Variants in AIM2 observed in about 807,000 individuals in gnomAD.
AIM2 encodes interferon-inducible protein AIM2.
A neutral mutation model predicts 27.7 loss-of-function variants in AIM2; 30 were observed. The observed-to-expected ratio is 1.08, with a 90% CI of 0.81 to 1.47. The LOEUF (loss-of-function observed/expected upper bound fraction) is 1.47, where lower values mean the gene tolerates loss of function less well. AIM2 is among the 40% of genes most tolerant of loss of function. The pLI is 0.00. For synonymous variants in AIM2, 141 were observed against 145.3 expected (o/e 0.97, Z 0.21); for missense variants, 358 against 411.3 (o/e 0.87, Z 1.12).
intron 1 of AIM2, among the ~76,000 whole-genome samples, chr1:159,114,948 C>T (rs1477290097): frequency 6.6e-6 from 1 of 152,076 alleles, no homozygotes; most frequent in Non-Finnish European, 1.5e-5. Context: ...CGTCTCAGCC[C>T]AAAATCTCCT....
intron 4 of AIM2, 52 bp from the exon 5 acceptor site, chr1:159,063,726 G>C: frequency 6.5e-7 from 1 of 1,539,594 alleles, no homozygotes; most frequent in Non-Finnish European, 8.9e-7. Flanking sequence ...AATGAATGCC[G>C]CATCAGTCAC....
intron 3 of AIM2, among the ~76,000 whole-genome samples, 186 bp downstream of exon 3, chr1:159,068,382 C>G (rs1656201969): frequency 6.6e-6 from 1 of 152,222 alleles, no homozygotes. Flanking sequence ...ATTAGAAGCT[C>G]AACAGGTGTT....
At chr1:159,116,788 C>A (rs1164739288) in intron 1 of AIM2, among the ~76,000 whole-genome samples, 1 of 151,006 alleles carries the variant, frequency 6.6e-6, no homozygotes, top group Admixed American at 6.6e-5. Flanking sequence ...ACATATGTAA[C>A]TAACCTGCAC....
At position 159,066,010 on chromosome 1, in the gene AIM2, G is replaced by T. The variant is rs41264453; in HGVS notation, c.716C>A (p.Pro239Gln). The T allele has an allele frequency of 1.2e-6, 2 of 1,614,084 alleles. No individual in the cohort carries two copies. The highest frequency in any genetic ancestry group is 4.5e-5 in the East Asian group (2 of 44,888). Residue 239 changes from proline to glutamine, a missense_variant, in exon 4 of 6, where the codon CCG (proline) becomes CAG (glutamine). By Grantham distance (76) the Pro-to-Gln change is moderately conservative. Transcript: ENST00000368130. ...DAESDQKVNV[P>Q]LNIIRKAGET... ...ACCAGCTTTTCTGATAATGTTCAGC[G>T]GGACATTAACCTTTTGGTCAGATTC...
chr1:159,110,954 G>A (rs61589051), intron 1 of AIM2, among the ~76,000 whole-genome samples: 3 of 152,088 alleles, frequency 2.0e-5, no homozygotes, highest in South Asian at 2.1e-4. Flanking sequence ...TTACCATCTA[G>A]GGAATTATAC....
At chr1:159,104,753 T>C (rs952682409) in intron 1 of AIM2, among the ~76,000 whole-genome samples, 4 of 152,230 alleles carry the variant, frequency 2.6e-5, no homozygotes, top group Non-Finnish European at 4.4e-5. Flanking sequence ...TGTGCTTGCA[T>C]TATATTTTTA....
chr1:159,083,132 A>T (rs1656822057), intron 1 of AIM2, among the ~76,000 whole-genome samples: 1 of 152,240 alleles, frequency 6.6e-6, no homozygotes, highest in Non-Finnish European at 1.5e-5. Context: ...ATCTAAACAT[A>T]CTACATGGCT....
intron 1 of AIM2, among the ~76,000 whole-genome samples, chr1:159,074,929 AG>A (rs1256301336): frequency 6.6e-6 from 1 of 152,168 alleles, no homozygotes; most frequent in Non-Finnish European, 1.5e-5. Context: ...AAAATCTCAA[AG>A]GGTTTTTCAT....
chr1:159,085,447 C>A (rs1656885889), intron 1 of AIM2, among the ~76,000 whole-genome samples: 1 of 152,164 alleles, frequency 6.6e-6, no homozygotes. Context: ...ATTACAGAGA[C>A]AGGGAGTACC....
chr1:159,139,155 A>G (rs1397703652), intron 1 of AIM2, among the ~76,000 whole-genome samples: 2 of 152,220 alleles, frequency 1.3e-5, no homozygotes, highest in Non-Finnish European at 2.9e-5. Flanking sequence ...AGAAGCTTCT[A>G]GTTCCCTTGA....
At chr1:159,098,692 G>A (rs1289203490) in intron 1 of AIM2, among the ~76,000 whole-genome samples, 1 of 152,182 alleles carries the variant, frequency 6.6e-6, no homozygotes, top group Admixed American at 6.5e-5. Flanking sequence ...AGGGATTAGA[G>A]AAAAATTCCT....
At position 159,069,725 on chromosome 1, in the gene AIM2, A is replaced by T. The variant is rs1265217854; in HGVS notation, c.263-1024T>A. Reference sequence around the variant, plus strand: ...GCCTGACTAATTTTTGTATTTTTTTAGTAAAGATGGGGTTTCACCATGTTG... The same window carrying T: ...GCCTGACTAATTTTTGTATTTTTTTTGTAAAGATGGGGTTTCACCATGTTG... On this transcript the variant is annotated intron_variant, in intron 2 of 5. Coordinates refer to ENST00000368130, the MANE Select transcript of AIM2 (RefSeq NM_004833.3). Among the ~76,000 whole-genome samples, 8 of 152,046 alleles carry T rather than the reference A, an allele frequency of 5.3e-5. No individual in the cohort carries two copies. The East Asian group carries it at 1.5e-3, about 29-fold the overall frequency.
At chr1:159,093,015 C>T (rs1025343406) in intron 1 of AIM2, among the ~76,000 whole-genome samples, 70 of 147,412 alleles carry the variant, frequency 4.7e-4, no homozygotes, top group African/African-American at 1.6e-3. Context: ...GACAGAGTGA[C>T]GCTCCGTCTC....
intron 1 of AIM2, among the ~76,000 whole-genome samples, chr1:159,103,022 C>A (rs1657349432): frequency 6.6e-6 from 1 of 152,054 alleles, no homozygotes; most frequent in Non-Finnish European, 1.5e-5. Flanking sequence ...GCCTCTGGGT[C>A]CCCACCCAAA....
At chr1:159,105,371 G>A (rs932879760) in intron 1 of AIM2, among the ~76,000 whole-genome samples, 1 of 152,218 alleles carries the variant, frequency 6.6e-6, no homozygotes, top group African/African-American at 2.4e-5. Flanking sequence ...CTTGGTCTGG[G>A]CCGCAGCTCC....
chr1:159,125,500 G>A lies in AIM2; in HGVS notation c.-16+14931C>T, dbSNP rs187127855. Among the ~76,000 whole-genome samples the A allele has an allele frequency of 2.6e-5, 4 of 152,262 alleles. No individual in the cohort carries two copies. The East Asian group carries it at 5.8e-4, about 22-fold the overall frequency. On this transcript the variant is annotated intron_variant, in intron 1 of 2. Transcript: ENST00000368129. ...AGACAGGGTAAGTCACTTGTTAAGCGCCACATGGTTATAAATGACAATACA... is the reference window on the plus strand; with the variant it reads ...AGACAGGGTAAGTCACTTGTTAAGCACCACATGGTTATAAATGACAATACA...
chr1:159,099,489 C>T (rs574368228), intron 1 of AIM2, among the ~76,000 whole-genome samples: 16 of 152,304 alleles, frequency 1.1e-4, no homozygotes, highest in Middle Eastern at 3.4e-3. Flanking sequence ...CACCATAGAC[C>T]TACTTTGTTT....
chr1:159,109,140 A>G (rs2102026461), intron 1 of AIM2, among the ~76,000 whole-genome samples: 1 of 152,318 alleles, frequency 6.6e-6, no homozygotes, highest in Admixed American at 6.5e-5. Context: ...CTGATTTCAA[A>G]CTATACTATA....
At chr1:159,077,756 AGAGCTTGAGGGCTT>A (rs1656664922), upstream of AIM2, among the ~76,000 whole-genome samples, 2 of 152,154 alleles carry the variant, frequency 1.3e-5, no homozygotes, top group African/African-American at 4.8e-5. Flanking sequence ...CCCTAAATTC[AGAGCTTGAGGGCTT>A]GATTCTAGTC....
Sources: gnomAD v4.1 joint callset for allele counts (sites outside exome capture counted in the v4.1 genomes callset) on GRCh38, gnomAD v4.1.1 for gene constraint, MANE v1.5 for transcripts, NCBI Gene and HGNC (gene_info 2026-07-23, HGNC 2026-07-21) for gene names.